DIAPH1: variants seen among roughly 807,000 people sequenced by gnomAD.
The protein encoded by DIAPH1 is diaphanous related formin 1.
DIAPH1 carries 46 observed loss-of-function variants against 140.7 expected under a neutral mutation model. The ratio of observed to expected loss-of-function variants is 0.33; its 90% CI spans 0.26 to 0.42. The LOEUF is 0.42. DIAPH1 is among the 10% of genes least tolerant of loss of function. DIAPH1 has a pLI of 1.00. For synonymous variants in DIAPH1, 565 were observed against 551.6 expected (o/e 1.02, Z -0.34); for missense variants, 1,310 against 1,558.7 (o/e 0.84, Z 2.69).
At chr5:141,557,703 A>G (rs2099892844) in intron 18 of DIAPH1, 1 of 152,206 alleles carries the variant, frequency 6.6e-6, no homozygotes, top group African/African-American at 2.4e-5. Context: ...GCTGCCTCAA[A>G]AGCTAGCACT....
Position 141,588,224 on chromosome 5 carries a change from C to G in DIAPH1, c.144G>C (p.Glu48Asp). ...KFTLKRLMAD[E>D]LERFTSMRIK... ...CACATGCTAAACAAAATGTCCTTACCTCATCTGCCATGAGCCGCTTCAGAG... is the reference window on the plus strand; with the variant it reads ...CACATGCTAAACAAAATGTCCTTACGTCATCTGCCATGAGCCGCTTCAGAG... The change falls in exon 2 of 28, where the codon GAG (glutamate) becomes GAC (aspartate). Residue 48 changes from glutamate (E) to aspartate (D), a missense_variant and splice_region_variant. Physicochemically the swap from Glu to Asp is conservative, Grantham distance 45. This residue lies in a region of DIAPH1 where 377 missense variants were observed against 497.1 expected (regional missense o/e 0.76). Transcript: ENST00000389054. 6.2e-7 allele frequency: 1 copy of G among 1,611,788 alleles called. No homozygotes were observed. Among genetic ancestry groups the G allele is most frequent in the South Asian group, 1.1e-5 (1 of 90,974 alleles).
intron 18 of DIAPH1, among the ~76,000 whole-genome samples, chr5:141,543,168 A>G (rs2099890269): frequency 6.6e-6 from 1 of 152,230 alleles, no homozygotes; most frequent in African/African-American, 2.4e-5. Context: ...ATGAATGGAA[A>G]AAACAAAATG....
At chr5:141,599,652 C>CT (rs958704937) in intron 1 of DIAPH1, among the ~76,000 whole-genome samples, 1 of 152,172 alleles carries the variant, frequency 6.6e-6, no homozygotes, top group African/African-American at 2.4e-5. Context: ...ACACAATTCA[C>CT]TAACTCCCTC....
intron 23 of DIAPH1, among the ~76,000 whole-genome samples, chr5:141,527,955 G>GA (rs1367290861): frequency 6.6e-6 from 1 of 152,146 alleles, no homozygotes; most frequent in African/African-American, 2.4e-5. Context: ...AGGAACAGAA[G>GA]AGAGACTTCA....
intron 1 of DIAPH1, among the ~76,000 whole-genome samples, chr5:141,598,030 G>C (rs1194839265): frequency 6.6e-6 from 1 of 152,160 alleles, no homozygotes; most frequent in Non-Finnish European, 1.5e-5. Context: ...CTGTTTCCCA[G>C]GCCTTACTTA....
At position 141,583,508 on chromosome 5, in the gene DIAPH1, C is replaced by A. The variant is rs1478464573; in HGVS notation, c.510G>T (p.Val170=). Residue 170 remains valine, a synonymous_variant, in exon 5 of 28, where the codon GTG becomes GTT. Coordinates refer to ENST00000389054, the MANE Select transcript of DIAPH1 (RefSeq NM_005219.5). ...ACCTGACAGGGTTGTTGTTGAGAGA[C>A]ACACGAAGGGACTCCAGGCAGCTGA... ...PLLSCLESLR[V]SLNNNPVSWV... The A allele has an allele frequency of 6.2e-7, 1 of 1,614,022 alleles. No homozygotes were observed. The highest frequency in any genetic ancestry group is 1.3e-5 in the African/African-American group (1 of 74,912).
At chr5:141,584,656 C>A (rs1408125213) in intron 3 of DIAPH1, among the ~76,000 whole-genome samples, 1 of 152,140 alleles carries the variant, frequency 6.6e-6, no homozygotes, top group Non-Finnish European at 1.5e-5. Context: ...AAACCCATTA[C>A]CCCTGGTTAA....
intron 1 of DIAPH1, among the ~76,000 whole-genome samples, chr5:141,604,791 A>T (rs2099900681): frequency 6.6e-6 from 1 of 152,024 alleles, no homozygotes; most frequent in African/African-American, 2.4e-5. Flanking sequence ...TTATACTACT[A>T]CTCAATAAGC....
rs149001004 is a variant in DIAPH1, at chr5:141,519,416, A to T, written c.3662-2408T>A. 3.6e-3 allele frequency among the ~76,000 whole-genome samples: 545 copies of T among 152,280 alleles called. 1 individual carries two copies. Among genetic ancestry groups the T allele is most frequent in the Non-Finnish European group, 5.1e-3 (346 of 68,022 alleles). On this transcript the variant is annotated intron_variant, in intron 27 of 27. Coordinates refer to ENST00000389054, the MANE Select transcript of DIAPH1 (RefSeq NM_005219.5). ...TGTGTGTAACTCTAGTGGTATATAT[A>T]TGTTGAAATAACATCTGACTCCAGA...
intron 1 of DIAPH1, among the ~76,000 whole-genome samples, chr5:141,607,943 C>G (rs1257177302): frequency 6.6e-6 from 1 of 152,108 alleles, no homozygotes; most frequent in Non-Finnish European, 1.5e-5. Flanking sequence ...TCATAATAAC[C>G]CCCTAATTTT....
At chr5:141,583,721 A>G in intron 4 of DIAPH1, 106 bp from the exon 5 acceptor site, 1 of 1,486,732 alleles carries the variant, frequency 6.7e-7, no homozygotes, top group South Asian at 1.2e-5. Flanking sequence ...TTTTATTTTT[A>G]GCAGAGACAA....
chr5:141,560,851 A>C, intron 18 of DIAPH1: 1 of 456,154 alleles, frequency 2.2e-6, no homozygotes, highest in Non-Finnish European at 4.4e-6. Flanking sequence ...CTGAGCCTGC[A>C]GAGACAGCTG....
intron 1 of DIAPH1, among the ~76,000 whole-genome samples, chr5:141,594,964 C>A (rs2099899082): frequency 6.6e-6 from 1 of 151,336 alleles, no homozygotes; most frequent in African/African-American, 2.4e-5. Flanking sequence ...TCACTTGAAA[C>A]CGGGAAGCAG....
At chr5:141,598,751 G>A (rs887933032) in intron 1 of DIAPH1, among the ~76,000 whole-genome samples, 5 of 152,132 alleles carry the variant, frequency 3.3e-5, no homozygotes, top group Admixed American at 2.6e-4. Context: ...GTAAGGTCAA[G>A]CTAATTAATA....
intron 19 of DIAPH1, among the ~76,000 whole-genome samples, chr5:141,532,712 T>C (rs2099888419): frequency 6.6e-6 from 1 of 152,226 alleles, no homozygotes; most frequent in Non-Finnish European, 1.5e-5. Flanking sequence ...CAGCTTTGTA[T>C]CATTAGCACA....
intron 24 of DIAPH1, 119 bp downstream of exon 24, chr5:141,527,454 A>G: frequency 8.9e-7 from 1 of 1,124,826 alleles, no homozygotes; most frequent in Non-Finnish European, 1.3e-6. Context: ...TATTTAAAGA[A>G]AAAGAGTTTT....
At chr5:141,539,353 T>C (rs909670243) in intron 18 of DIAPH1, among the ~76,000 whole-genome samples, 1 of 152,056 alleles carries the variant, frequency 6.6e-6, no homozygotes, top group Non-Finnish European at 1.5e-5. Flanking sequence ...GTATTAATTC[T>C]TCATTAAATG....
intron 18 of DIAPH1, among the ~76,000 whole-genome samples, chr5:141,548,573 A>T (rs932527062): frequency 1.3e-5 from 2 of 152,166 alleles, no homozygotes; most frequent in Admixed American, 1.3e-4. Flanking sequence ...ACTCAAAAGG[A>T]AGGTACATAA....
chr5:141,541,246 G>T (rs530991135), intron 18 of DIAPH1, among the ~76,000 whole-genome samples: 1 of 152,210 alleles, frequency 6.6e-6, no homozygotes, highest in Admixed American at 6.5e-5. Flanking sequence ...GGAATTAATG[G>T]CAACTTCCTC....
Sources: gnomAD v4.1 joint callset for allele counts (sites outside exome capture counted in the v4.1 genomes callset) on GRCh38, gnomAD v4.1.1 for gene constraint, gnomAD v4.1.1 regional missense constraint, MANE v1.5 for transcripts, NCBI Gene and HGNC (gene_info 2026-07-23, HGNC 2026-07-21) for gene names.